NTM: variants seen among roughly 807,000 people sequenced by gnomAD.
NTM encodes neurotrimin.
Under a neutral mutation model 42.1 loss-of-function variants are expected in NTM, and 13 were observed. The ratio of observed to expected loss-of-function variants is 0.31; its 90% CI spans 0.20 to 0.49. The LOEUF is 0.49. NTM is among the 20% of genes least tolerant of loss of function. The pLI, the probability that NTM is intolerant of heterozygous loss-of-function variation, is 0.99. For missense variants in NTM, 373 were observed against 452.8 expected, an observed-to-expected ratio of 0.82 and a Z score of 1.60; for synonymous variants, 187 against 179.2, an observed-to-expected ratio of 1.04 and a Z score of -0.35.
intron 1 of NTM, among the ~76,000 whole-genome samples, chr11:131,736,903 T>A (rs2080528438): frequency 6.6e-6 from 1 of 152,204 alleles, no homozygotes; most frequent in South Asian, 2.1e-4. Flanking sequence ...CATGTTATTG[T>A]CACATACGTT....
intron 1 of NTM, among the ~76,000 whole-genome samples, chr11:131,907,563 T>C (rs1481166349): frequency 6.6e-6 from 1 of 152,230 alleles, no homozygotes; most frequent in African/African-American, 2.4e-5. Flanking sequence ...CAATTACAGC[T>C]GTCAGCACAG....
At chr11:131,466,375 A>C (rs1049808972) in intron 1 of NTM, among the ~76,000 whole-genome samples, 5 of 151,002 alleles carry the variant, frequency 3.3e-5, no homozygotes, top group Admixed American at 1.3e-4. Flanking sequence ...AACAGGTGCT[A>C]TTATTATCTC....
chr11:131,737,629 T>C (rs975521291), intron 1 of NTM, among the ~76,000 whole-genome samples: 1 of 152,186 alleles, frequency 6.6e-6, no homozygotes, highest in Non-Finnish European at 1.5e-5. Flanking sequence ...GGTTTTGCAA[T>C]GTCCGTGCTC....
intron 1 of NTM, among the ~76,000 whole-genome samples, chr11:131,708,313 T>A (rs2076789823): frequency 6.6e-6 from 1 of 152,122 alleles, no homozygotes; most frequent in African/African-American, 2.4e-5. Context: ...CATAACAAAC[T>A]TCTAATCACT....
intron 2 of NTM, among the ~76,000 whole-genome samples, chr11:131,954,982 C>T (rs117156300): frequency 3.3e-3 from 497 of 152,198 alleles, no homozygotes; most frequent in Non-Finnish European, 5.1e-3. Context: ...AGATTGTTTC[C>T]AGTGGTTTTG....
chr11:131,851,831 A>G (rs1411013338), intron 1 of NTM, among the ~76,000 whole-genome samples: 1 of 152,212 alleles, frequency 6.6e-6, no homozygotes, highest in African/African-American at 2.4e-5. Flanking sequence ...TTAGTAAAAT[A>G]GGAGGCAGAG....
intron 2 of NTM, among the ~76,000 whole-genome samples, chr11:132,114,251 A>T (rs1253634660): frequency 6.6e-6 from 1 of 152,228 alleles, no homozygotes; most frequent in Non-Finnish European, 1.5e-5. Flanking sequence ...GGCATGTATC[A>T]AGGCAGTTGG....
At chr11:131,950,373 T>G (rs1400049434) in intron 2 of NTM, among the ~76,000 whole-genome samples, 2 of 152,238 alleles carry the variant, frequency 1.3e-5, no homozygotes, top group Non-Finnish European at 2.9e-5. Flanking sequence ...GCTTCAACTT[T>G]TCTTTCCATC....
intron 1 of NTM, among the ~76,000 whole-genome samples, chr11:131,680,463 G>A (rs1431904391): frequency 1.4e-5 from 2 of 146,458 alleles, no homozygotes; most frequent in Admixed American, 6.8e-5. Flanking sequence ...CTGTGTCTGT[G>A]AGTGCCTGTG....
intron 1 of NTM, among the ~76,000 whole-genome samples, chr11:131,437,302 A>T (rs920553288): frequency 2.6e-5 from 4 of 152,150 alleles, no homozygotes; most frequent in African/African-American, 9.7e-5. Context: ...TATTAGGTCC[A>T]CTTGGTGCAG....
intron 3 of NTM, among the ~76,000 whole-genome samples, chr11:132,208,676 G>A (rs554767572): frequency 2.0e-4 from 30 of 152,236 alleles, no homozygotes; most frequent in African/African-American, 6.7e-4. Context: ...CATGCAGGAA[G>A]CCAGGAAAAT....
intron 1 of NTM, among the ~76,000 whole-genome samples, chr11:131,756,580 G>A (rs1480349942): frequency 2.0e-5 from 3 of 151,922 alleles, no homozygotes; most frequent in Non-Finnish European, 2.9e-5. Context: ...CCCAGCTACT[G>A]GGGAGGCTGA....
intron 1 of NTM, among the ~76,000 whole-genome samples, chr11:131,626,008 G>T (rs768838856): frequency 1.3e-5 from 2 of 152,086 alleles, no homozygotes; most frequent in African/African-American, 4.8e-5. Flanking sequence ...TCTGTGGCAC[G>T]TGGCTACAGT....
intron 1 of NTM, among the ~76,000 whole-genome samples, chr11:131,472,105 G>A (rs138271015): frequency 1.6e-3 from 241 of 152,248 alleles, no homozygotes; most frequent in African/African-American, 5.2e-3. Flanking sequence ...CAATAAGCTG[G>A]CCCCCTCAGA....
chr11:132,036,342 G>A (rs1480191296), intron 2 of NTM, among the ~76,000 whole-genome samples: 1 of 152,064 alleles, frequency 6.6e-6, no homozygotes, highest in Non-Finnish European at 1.5e-5. Context: ...TATTGTACTT[G>A]GCAGCATGGG....
At chr11:131,395,371 G>A (rs561186119) in intron 1 of NTM, among the ~76,000 whole-genome samples, 1 of 152,162 alleles carries the variant, frequency 6.6e-6, no homozygotes, top group South Asian at 2.1e-4. Flanking sequence ...TGACTGGCAG[G>A]GTCTAATTTA....
chr11:131,542,291 G>T (rs1312722672), intron 1 of NTM, among the ~76,000 whole-genome samples: 2 of 152,132 alleles, frequency 1.3e-5, no homozygotes, highest in African/African-American at 2.4e-5. Context: ...GTGCCTAACA[G>T]GTCACTAGCC....
chr11:132,128,487 G>A (rs1409987441), intron 2 of NTM, among the ~76,000 whole-genome samples: 1 of 152,036 alleles, frequency 6.6e-6, no homozygotes, highest in African/African-American at 2.4e-5. Context: ...TTGTGGACTG[G>A]CCCCAGGCTG....
intron 2 of NTM, among the ~76,000 whole-genome samples, chr11:132,039,108 A>C (rs1454276882): frequency 6.6e-6 from 1 of 152,142 alleles, no homozygotes; most frequent in Non-Finnish European, 1.5e-5. Flanking sequence ...GCCCAGGGAG[A>C]TGGGTGAGGC....
Sources: allele counts gnomAD v4.1 joint callset (sites outside exome capture counted in the v4.1 genomes callset), GRCh38; gene constraint gnomAD v4.1.1; transcripts MANE v1.5; gene names NCBI Gene and HGNC (gene_info 2026-07-23, HGNC 2026-07-21).